WDR27: variants seen among roughly 807,000 people sequenced by gnomAD.
The protein encoded by WDR27 is WD repeat-containing protein 27.
Under a neutral mutation model 114.4 loss-of-function variants are expected in WDR27, and 100 were observed. The ratio of observed to expected loss-of-function variants is 0.87; its 90% CI spans 0.74 to 1.03. The LOEUF (loss-of-function observed/expected upper bound fraction) is 1.03. Ranked by LOEUF, WDR27 falls within the 50% of genes least tolerant of loss-of-function variation. WDR27 has a pLI of 0.00. For synonymous variants in WDR27, 449 were observed against 423.1 expected (o/e 1.06, Z -0.75); for missense variants, 1,129 against 1,092.9 (o/e 1.03, Z -0.47).
Position 169,688,825 on chromosome 6 carries a change from A to G in WDR27, c.181T>C (p.Ser61Pro). 1 of 1,604,300 alleles carries G rather than the reference A, an allele frequency of 6.2e-7. No individual in the cohort carries two copies. Among genetic ancestry groups the G allele is most frequent in the Non-Finnish European group, 8.5e-7 (1 of 1,175,828 alleles). Residue 61 changes from serine to proline, a missense_variant, in exon 2 of 26, where the codon TCT (serine) becomes CCT (proline). Transcript: ENST00000448612. ...TGTAACTCGTTCAATACCTGATGAG[A>G]AGGATCCTTAGTGTTCCATATACAA... The part of the protein sequence containing the change: ...ELCIWNTKDP[S>P]HQLLILRGHH...
At chr6:169,515,060 T>C (rs962330024) in intron 25 of WDR27, among the ~76,000 whole-genome samples, 4 of 151,956 alleles carry the variant, frequency 2.6e-5, no homozygotes, top group African/African-American at 9.7e-5. Flanking sequence ...CTGATAACAC[T>C]AATTGTTGGT....
chr6:169,519,706 A>AT (rs1466768569), intron 25 of WDR27, among the ~76,000 whole-genome samples: 1 of 152,026 alleles, frequency 6.6e-6, no homozygotes, highest in African/African-American at 2.4e-5. Context: ...TCCAAACTAT[A>AT]TCACCCCCCA....
chr6:169,670,605 C>T lies in WDR27; in HGVS notation c.420G>A (p.Val140=), dbSNP rs1778455140. Residue 140 remains valine (V), a synonymous_variant, in exon 4 of 26, where the codon GTG becomes GTA. Coordinates refer to ENST00000448612, the MANE Select transcript of WDR27 (RefSeq NM_182552.5). ...QLSLDDHVVA[V]CAGNKIFMLD... The stretch of plus-strand genomic sequence containing the variant: ...GCATGAATATTTTGTTTCCAGCACA[C>T]ACGGCAACAACATGATCATCCAGGC... The T allele has an allele frequency of 6.2e-7, 1 of 1,613,888 alleles. No individual in the cohort carries two copies. Among genetic ancestry groups the T allele is most frequent in the Non-Finnish European group, 8.5e-7 (1 of 1,179,898 alleles).
intron 25 of WDR27, among the ~76,000 whole-genome samples, chr6:169,537,134 C>G (rs974988891): frequency 1.3e-5 from 2 of 152,052 alleles, no homozygotes; most frequent in Non-Finnish European, 2.9e-5. Flanking sequence ...TCTTTTTCTT[C>G]AAGTGCCCCT....
chr6:169,539,357 C>T (rs1233920678), intron 25 of WDR27, among the ~76,000 whole-genome samples: 1 of 152,096 alleles, frequency 6.6e-6, no homozygotes, highest in African/African-American at 2.4e-5. Context: ...CTGACCCAGC[C>T]AAAATATTCC....
chr6:169,569,853 T>TG (rs1801085456), intron 25 of WDR27, among the ~76,000 whole-genome samples: 1 of 152,192 alleles, frequency 6.6e-6, no homozygotes, highest in Non-Finnish European at 1.5e-5. Context: ...TGAAGTGACT[T>TG]GGGGTTACCA....
At chr6:169,563,830 G>A (rs1448542105) in intron 25 of WDR27, among the ~76,000 whole-genome samples, 1 of 152,212 alleles carries the variant, frequency 6.6e-6, no homozygotes, top group East Asian at 1.9e-4. Context: ...AAAAGGAAGA[G>A]TCTGCAATTC....
intron 25 of WDR27, among the ~76,000 whole-genome samples, chr6:169,522,791 C>G (rs1794537272): frequency 6.6e-6 from 1 of 151,698 alleles, no homozygotes; most frequent in South Asian, 2.1e-4. Flanking sequence ...ATACCAAAAT[C>G]TATGGATATA....
rs184641914 is a variant in WDR27, at chr6:169,602,366, T to C, written c.2322-45A>G. The stretch of plus-strand genomic sequence containing the variant: ...ACCAGGAGAAAAATCATTTTAAAAT[T>C]TGAATGCAAATTAGAGGAAAGAAAA... On this transcript the variant is annotated intron_variant, in intron 22 of 25. Transcript: ENST00000448612. 57 of 1,317,294 alleles carry C rather than the reference T, an allele frequency of 4.3e-5. No individual in the cohort carries two copies. The East Asian group carries it at 5.1e-4, about 12-fold the overall frequency. 81.6% of individuals were successfully genotyped at this position (1,317,294 alleles called of 1,614,324 possible).
chr6:169,580,841 A>G (rs1199516279), intron 24 of WDR27, among the ~76,000 whole-genome samples: 2 of 151,412 alleles, frequency 1.3e-5, no homozygotes, highest in African/African-American at 2.4e-5. Flanking sequence ...AAGTGGACTA[A>G]TATCAGTAAA....
At chr6:169,532,276 G>A (rs551548767) in intron 25 of WDR27, among the ~76,000 whole-genome samples, 1 of 152,046 alleles carries the variant, frequency 6.6e-6, no homozygotes, top group African/African-American at 2.4e-5. Flanking sequence ...TGGAGTCACT[G>A]AGAATGAGTA....
At chr6:169,698,784 G>C (rs1401175792) in intron 1 of WDR27, among the ~76,000 whole-genome samples, 12 of 152,240 alleles carry the variant, frequency 7.9e-5, no homozygotes. Flanking sequence ...AGGCTGAGGA[G>C]AGGGGCCACG....
chr6:169,612,041 C>T (rs1810663182), intron 22 of WDR27, among the ~76,000 whole-genome samples: 1 of 151,816 alleles, frequency 6.6e-6, no homozygotes, highest in South Asian at 2.1e-4. Context: ...GAGGCTGAGG[C>T]AGGAGAATGG....
rs1224876983 is a variant in WDR27, at chr6:169,682,803, T to A, written c.189+6014A>T. Among the ~76,000 whole-genome samples, 4 of 152,120 alleles carry A rather than the reference T, an allele frequency of 2.6e-5. No individual in the cohort carries two copies. In the East Asian group the frequency reaches 7.7e-4, roughly 29 times the overall value. ...GACAAATCATTCAAAATAGCTGTTT[T>A]AAGGAATCTCAAGAAAATTTAGAAA... On this transcript the variant is annotated intron_variant, in intron 2 of 25. Coordinates refer to ENST00000448612, the MANE Select transcript of WDR27 (RefSeq NM_182552.5).
At chr6:169,692,440 T>C (rs1239034922) in intron 1 of WDR27, among the ~76,000 whole-genome samples, 7 of 152,018 alleles carry the variant, frequency 4.6e-5, no homozygotes, top group Admixed American at 4.6e-4. Context: ...TGTGGACAGA[T>C]GGGGAGGGGC....
At chr6:169,504,712 G>A (rs1055664409) in intron 25 of WDR27, among the ~76,000 whole-genome samples, 2 of 152,032 alleles carry the variant, frequency 1.3e-5, no homozygotes, top group African/African-American at 4.8e-5. Flanking sequence ...AGGCTCAAGC[G>A]ATCCTGCCTC....
At chr6:169,525,741 A>C (rs976031728) in intron 25 of WDR27, among the ~76,000 whole-genome samples, 3 of 152,158 alleles carry the variant, frequency 2.0e-5, no homozygotes, top group African/African-American at 7.2e-5. Flanking sequence ...GCCATCCACT[A>C]CTGGGTATGT....
intron 24 of WDR27, among the ~76,000 whole-genome samples, chr6:169,580,063 A>G (rs1036967662): frequency 1.3e-5 from 2 of 152,236 alleles, no homozygotes; most frequent in African/African-American, 4.8e-5. Flanking sequence ...TCTCATTACC[A>G]GATCCAGTCA....
At chr6:169,460,619 A>C (rs1784795204) in intron 25 of WDR27, among the ~76,000 whole-genome samples, 1 of 152,200 alleles carries the variant, frequency 6.6e-6, no homozygotes, top group Non-Finnish European at 1.5e-5. Flanking sequence ...TAAATGGATT[A>C]AATTCTCCAA....
Sources: gnomAD v4.1 joint callset for allele counts (sites outside exome capture counted in the v4.1 genomes callset) on GRCh38, gnomAD v4.1.1 for gene constraint, MANE v1.5 for transcripts, NCBI Gene and HGNC (gene_info 2026-07-23, HGNC 2026-07-21) for gene names.